Variants in CDHR1 observed in about 807,000 individuals in gnomAD.
CDHR1 encodes the protein cadherin related family member 1, also known as cadherin-related family member 1.
Under a neutral mutation model 72.1 loss-of-function variants are expected in CDHR1, and 61 were observed. That is an observed-to-expected ratio of 0.85 (90% CI 0.69 to 1.05). The LOEUF (loss-of-function observed/expected upper bound fraction) is 1.05, where lower values mean the gene tolerates loss of function less well. Ranked by LOEUF, CDHR1 falls within the 50% of genes least tolerant of loss-of-function variation. The pLI is 0.00. For synonymous variants in CDHR1, 470 were observed against 448.1 expected, an observed-to-expected ratio of 1.05 and a Z score of -0.62; for missense variants, 1,186 against 1,115.7, an observed-to-expected ratio of 1.06 and a Z score of -0.90.
chr10:84,202,057 C>T (rs1564658615), intron 7 of CDHR1, 137 bp downstream of exon 7: 9 of 737,738 alleles, frequency 1.2e-5, no homozygotes, highest in Middle Eastern at 2.3e-4. Flanking sequence ...AGCAGCTGCT[C>T]GGAATTTTTC....
At chr10:84,208,100 G>T in intron 10 of CDHR1, 74 bp from the exon 11 acceptor site, 3 of 1,310,748 alleles carry the variant, frequency 2.3e-6, no homozygotes, top group Non-Finnish European at 2.2e-6. Flanking sequence ...TATACATTCT[G>T]CAGGGGAGGT....
chr10:84,218,818 A>T (rs1240934200), downstream of CDHR1: 1 of 1,031,236 alleles, frequency 9.7e-7, no homozygotes, highest in Non-Finnish European at 1.2e-6. Flanking sequence ...TCTTAATAAG[A>T]TGTGATATTC....
chr10:84,203,072 T>C lies in CDHR1; in HGVS notation c.732T>C (p.Pro244=). The C allele has an allele frequency of 5.0e-6, 8 of 1,614,228 alleles. No homozygotes were observed. The highest frequency in any genetic ancestry group is 6.8e-6 in the Non-Finnish European group (8 of 1,180,032). Residue 244 remains proline (P), a synonymous_variant, in exon 8 of 17, where the codon CCT becomes CCC. Transcript: ENST00000623527. ...VNVEDVQDMA[P]VFVGTPYYGY... ...TGGAGGATGTTCAGGACATGGCCCC[T>C]GTCTTCGTGGGCACACCCTACTATG...
At chr10:84,213,509 G>T (rs4244946) in intron 16 of CDHR1, among the ~76,000 whole-genome samples, 161 bp downstream of exon 16, 1 of 152,024 alleles carries the variant, frequency 6.6e-6, no homozygotes, top group Non-Finnish European at 1.5e-5. Context: ...CTTTGGAAGC[G>T]GGTTGAGTTT....
chr10:84,204,394 C>A, intron 8 of CDHR1, 133 bp from the exon 9 acceptor site: 1 of 710,684 alleles, frequency 1.4e-6, no homozygotes, highest in Admixed American at 2.0e-5. Context: ...TAGGGCCATG[C>A]TCCACCGCCA....
rs928513929 is a variant in CDHR1 at position 84,216,752 on chromosome 10, TC to T, written c.*2134del. The T allele has an allele frequency of 2.2e-5, 22 of 985,482 alleles. No individual in the cohort carries two copies. In the African/African-American group the frequency reaches 3.8e-4, roughly 17 times the overall value. 61.0% of individuals were successfully genotyped at this position (985,482 alleles called of 1,614,324 possible). Reference sequence around the variant, plus strand: ...GCAGGCCTTGTCTACTGGACTTTTCTCCCAAACAGGACAAGCCCAGGCAGGG... The same window carrying T: ...GCAGGCCTTGTCTACTGGACTTTTCTCCAAACAGGACAAGCCCAGGCAGGG... On this transcript the variant is annotated 3_prime_UTR_variant, in exon 17 of 17. Transcript: ENST00000623527.
In CDHR1 at chr10:84,208,843, G is replaced by A; in HGVS notation, c.1282G>A (p.Ala428Thr). ...QVTIIVENSA[A>T]IDFEKSKVLT... The stretch of plus-strand genomic sequence containing the variant: ...CACAATCATTGTGGAGAACTCAGCT[G>A]CCATTGACTTTGAAAAGTCCAAAGT... Residue 428 changes from alanine (A) to threonine (T), a missense_variant, in exon 12 of 17, where the codon GCC becomes ACC. Physicochemically the swap from Ala to Thr is moderately conservative, Grantham distance 58. Coordinates refer to ENST00000623527, the MANE Select transcript of CDHR1 (RefSeq NM_033100.4). The A allele has an allele frequency of 1.2e-6, 2 of 1,614,182 alleles. No homozygotes were observed. Among genetic ancestry groups the A allele is most frequent in the Non-Finnish European group, 1.7e-6 (2 of 1,180,016 alleles).
At chr10:84,213,948 C>A in intron 16 of CDHR1, 134 bp from the exon 17 acceptor site, 3 of 1,123,478 alleles carry the variant, frequency 2.7e-6, no homozygotes, top group Non-Finnish European at 4.0e-6. Context: ...GCCCATAGTG[C>A]CTATCAGATT....
chr10:84,208,083 A>C, intron 10 of CDHR1, 91 bp from the exon 11 acceptor site: 1 of 1,149,540 alleles, frequency 8.7e-7, no homozygotes, highest in East Asian at 2.3e-5. Flanking sequence ...ACTCAAACGG[A>C]GGGGATTATA....
chr10:84,211,410 C>A (rs1052187441), intron 13 of CDHR1, among the ~76,000 whole-genome samples: 3 of 152,212 alleles, frequency 2.0e-5, no homozygotes, highest in African/African-American at 7.2e-5. Context: ...ATCCCCTCTT[C>A]CTCATTTATA....
chr10:84,198,757 A>C (rs551404280), intron 4 of CDHR1, among the ~76,000 whole-genome samples: 1 of 152,336 alleles, frequency 6.6e-6, no homozygotes, highest in Non-Finnish European at 1.5e-5. Context: ...GTTTTTTAAT[A>C]TGCTGATCTT....
rs200914741 is a variant in CDHR1, at chr10:84,201,908, C to T, written c.627C>T (p.Thr209=). The change falls in exon 7 of 17, where the codon ACC becomes ACT. Residue 209 remains threonine, a synonymous_variant. Coordinates refer to ENST00000623527, the MANE Select transcript of CDHR1 (RefSeq NM_033100.4). ...AGAGGTCCCGGACCCACTACATCAC[C>T]GTGGTCGCCAAGGTAACACAGCAGG... ...DYERSRTHYI[T]VVAKDGGGRL... The T allele has an allele frequency of 8.7e-6, 14 of 1,604,810 alleles. No individual in the cohort carries two copies. The highest frequency in any genetic ancestry group is 2.7e-5 in the African/African-American group (2 of 74,910).
rs1842428294 is a variant in CDHR1, at chr10:84,216,513, G to T, written c.*1892G>T. The T allele has an allele frequency of 1.0e-6, 1 of 985,370 alleles. No homozygotes were observed. The highest frequency in any genetic ancestry group is 1.2e-6 in the Non-Finnish European group (1 of 829,964). The allele number at this position is 985,370 out of a possible 1,614,324, so 61.0% of individuals were successfully genotyped here. A position where few individuals can be genotyped will look rare whatever the true frequency, so the allele number is the denominator to read the frequency against. ...CTTTTGTAAATGGAAAATAAAGTCT[G>T]TTACCCAAAGGCCATGCTGATCCCC... On this transcript the variant is annotated 3_prime_UTR_variant, in exon 17 of 17. Transcript: ENST00000623527.
intron 16 of CDHR1, 93 bp from the exon 17 acceptor site, chr10:84,213,988 TA>T: frequency 6.4e-7 from 1 of 1,560,432 alleles, no homozygotes; most frequent in Non-Finnish European, 8.8e-7. Context: ...CCAGAAAGTT[TA>T]AAAACCATTA....
At chr10:84,212,116 T>A in intron 14 of CDHR1, 63 bp from the exon 15 acceptor site, 2 of 1,380,078 alleles carry the variant, frequency 1.4e-6, no homozygotes, top group Middle Eastern at 2.3e-4. Context: ...ATTGCAGGCA[T>A]GTGTATGTAT....
Position 84,214,155 on chromosome 10 carries a change from T to C in CDHR1, c.2114T>C (p.Leu705Pro). Reference protein sequence around the residue: ...KDNPMKAVGVLAGTMATVVAI... With the variant: ...KDNPMKAVGVPAGTMATVVAI... ...AACCCCATGAAGGCCGTGGGTGTGCTGGCCGGCACCATGGCCACCGTCGTG... is the reference window on the plus strand; with the variant it reads ...AACCCCATGAAGGCCGTGGGTGTGCCGGCCGGCACCATGGCCACCGTCGTG... The change falls in exon 17 of 17, where the codon CTG (leucine) becomes CCG (proline). Residue 705 changes from leucine (L) to proline (P), a missense_variant. Leu to Pro is a moderately conservative substitution (Grantham distance 98, BLOSUM62 -3). Coordinates refer to ENST00000623527, the MANE Select transcript of CDHR1 (RefSeq NM_033100.4). The C allele has an allele frequency of 5.6e-6, 9 of 1,614,180 alleles. No individual in the cohort carries two copies. The highest frequency in any genetic ancestry group is 7.6e-6 in the Non-Finnish European group (9 of 1,180,038).
chr10:84,219,107 G>A, downstream of CDHR1: 2 of 1,308,602 alleles, frequency 1.5e-6, no homozygotes, highest in South Asian at 1.3e-5. Flanking sequence ...ATGAAAAATA[G>A]TAACTTCCCT....
At chr10:84,195,800 C>A (rs187867526) in intron 2 of CDHR1, among the ~76,000 whole-genome samples, 15 of 152,328 alleles carry the variant, frequency 9.8e-5, no homozygotes, top group African/African-American at 3.1e-4. Flanking sequence ...AGGGCTCCCC[C>A]CCACAGACAG....
intron 10 of CDHR1, 36 bp downstream of exon 10, chr10:84,205,963 T>G (rs984121792): frequency 3.3e-6 from 5 of 1,518,896 alleles, no homozygotes; most frequent in Middle Eastern, 1.7e-4. Flanking sequence ...CCTGCCCACC[T>G]TTGGCCCTGG....
Sources: gnomAD v4.1 joint callset for allele counts (sites outside exome capture counted in the v4.1 genomes callset) on GRCh38, gnomAD v4.1.1 for gene constraint, MANE v1.5 for transcripts, NCBI Gene and HGNC (gene_info 2026-07-23, HGNC 2026-07-21) for gene names.